The following PLS3 variants were observed in gnomAD, a reference collection of about 807,000 sequenced individuals.
The protein encoded by PLS3 is plastin 3.
In PLS3, 11 loss-of-function variants were observed where a neutral mutation model predicts 46.5. The ratio of observed to expected loss-of-function variants is 0.24; its 90% CI spans 0.15 to 0.39. The LOEUF is 0.39. Ranked by LOEUF, PLS3 falls within the 10% of genes least tolerant of loss-of-function variation. The pLI is 1.00. For missense variants in PLS3, 308 were observed against 461.8 expected (o/e 0.67, Z 3.05); for synonymous variants, 167 against 162.2 (o/e 1.03, Z -0.22).
At chrX:115,617,655 A>G (rs2147505811) in intron 2 of PLS3, among the ~76,000 whole-genome samples, 1 of 112,466 alleles carries the variant, frequency 8.9e-6, no homozygotes, top group African/African-American at 3.2e-5. Context: ...CAGCCTAATA[A>G]GGAAGTTTGT....
intron 1 of PLS3, among the ~76,000 whole-genome samples, chrX:115,606,773 A>G (rs1221163946): frequency 9.0e-6 from 1 of 111,511 alleles, no homozygotes; most frequent in Admixed American, 9.6e-5. Flanking sequence ...TGTTGAACAT[A>G]TTAGTGAAAC....
At chrX:115,567,891 T>C (rs949150024) in intron 1 of PLS3, among the ~76,000 whole-genome samples, 1 of 110,289 alleles carries the variant, frequency 9.1e-6, no homozygotes, top group Non-Finnish European at 1.9e-5. Flanking sequence ...ATAATATAAG[T>C]TTTTACTTTC....
chrX:115,649,310 A>G (rs781831304), intron 15 of PLS3, 119 bp from the exon 16 acceptor site: 199 of 527,157 alleles, frequency 3.8e-4, no homozygotes, highest in Admixed American at 1.3e-3. Context: ...TCTAATTGGA[A>G]CTATCAATAT....
At chrX:115,605,540 C>CT (rs2074482409) in intron 1 of PLS3, among the ~76,000 whole-genome samples, 1 of 111,676 alleles carries the variant, frequency 9.0e-6, no homozygotes, top group Non-Finnish European at 1.9e-5. Flanking sequence ...ACTGCATCCT[C>CT]TACCTCTCGG....
In PLS3 at chrX:115,598,243, TTAC is replaced by T. The variant is rs1441256698; in HGVS notation, c.-8-11999_-8-11997del. 2.8e-5 allele frequency among the ~76,000 whole-genome samples: 3 copies of T among 107,528 alleles called. No homozygotes were observed. The East Asian group carries it at 8.7e-4, about 31-fold the overall frequency. The allele number at this position is 107,528 out of a possible 115,157, so 93.4% of individuals were successfully genotyped here. On this transcript the variant is annotated intron_variant, in intron 1 of 15. Transcript: ENST00000355899. ...TGAGCCCAGGAGTTGGAGGCTTCAG[TTAC>T]CATGACACTGCACTCCAGCCTGGGC...
In PLS3 at chrX:115,584,645, T is replaced by C. The variant is rs782813588; in HGVS notation, c.-9+23385T>C. On this transcript the variant is annotated intron_variant, in intron 1 of 15. Transcript: ENST00000355899. ...CTAGTTTAACTTGTGGATTTCCTCC[T>C]GAGGATGGGCTTAATTTGTATTGGG... 1.5e-4 allele frequency among the ~76,000 whole-genome samples: 17 copies of C among 112,193 alleles called. No individual in the cohort carries two copies. In the South Asian group the frequency reaches 4.1e-3, roughly 27 times the overall value.
intron 2 of PLS3, among the ~76,000 whole-genome samples, chrX:115,610,578 A>G (rs782248907): frequency 6.1e-4 from 66 of 108,918 alleles, no homozygotes; most frequent in African/African-American, 2.0e-3. Flanking sequence ...CACAGTTCCA[A>G]TCCTTAACTG....
At position 115,636,946 on chromosome X, in the gene PLS3, C is replaced by A. The variant is rs782053765; in HGVS notation, c.859C>A (p.Gln287Lys). ...ANFHLENSGW[Q>K]KINNFSADIK... ...CTTTCATTTGGAAAACTCGGGCTGG[C>A]AAAAAATTAACAACTTTAGTGCTGA... Residue 287 changes from glutamine to lysine, a missense_variant, in exon 8 of 16, where the codon CAA (glutamine) becomes AAA (lysine). Coordinates refer to ENST00000355899, the MANE Select transcript of PLS3 (RefSeq NM_005032.7). 1.3e-5 allele frequency: 16 copies of A among 1,206,641 alleles called. No individual in the cohort carries two copies. In the South Asian group the frequency reaches 2.5e-4, roughly 19 times the overall value.
rs956870182 is a variant in PLS3, at chrX:115,646,270, G to T, written c.1377+84G>T. On this transcript the variant is annotated intron_variant, in intron 12 of 15. Coordinates refer to ENST00000355899, the MANE Select transcript of PLS3 (RefSeq NM_005032.7). ...TTTTGTTTCTAAAACTCTTGACGCT[G>T]AGCTTCTTGAGGACAAAACTGTGTC... 2.3e-5 allele frequency: 20 copies of T among 877,523 alleles called. No homozygotes were observed. In the East Asian group the frequency reaches 5.9e-4, roughly 26 times the overall value. 72.3% of individuals were successfully genotyped at this position (877,523 alleles called of 1,213,427 possible). A position where few individuals can be genotyped will look rare whatever the true frequency, so the allele number is the denominator to read the frequency against.
At chrX:115,569,767 G>C (rs782302040) in intron 1 of PLS3, among the ~76,000 whole-genome samples, 1 of 110,907 alleles carries the variant, frequency 9.0e-6, no homozygotes, top group East Asian at 2.8e-4. Flanking sequence ...AGACTTTATT[G>C]GTCTGGGAAT....
chrX:115,584,144 T>G (rs1395925535), intron 1 of PLS3, among the ~76,000 whole-genome samples: 1 of 112,065 alleles, frequency 8.9e-6, no homozygotes, highest in African/African-American at 3.2e-5. Context: ...CTTATTTATT[T>G]GCTTTGCATT....
At chrX:115,563,291 G>A (rs1188395325) in intron 1 of PLS3, among the ~76,000 whole-genome samples, 3 of 111,751 alleles carry the variant, frequency 2.7e-5, no homozygotes, top group East Asian at 5.6e-4. Flanking sequence ...CAATTAACTG[G>A]ATTAGAAATC....
chrX:115,575,217 A>G (rs2074240453), intron 1 of PLS3, among the ~76,000 whole-genome samples: 1 of 111,638 alleles, frequency 9.0e-6, no homozygotes, highest in Admixed American at 9.6e-5. Context: ...ATTTCATTGT[A>G]CACCATATTT....
chrX:115,647,294 G>A (rs1412446524), intron 13 of PLS3, among the ~76,000 whole-genome samples: 3 of 110,820 alleles, frequency 2.7e-5, no homozygotes, highest in Non-Finnish European at 5.7e-5. Context: ...TTAGCCGGGC[G>A]TGGTGGTGGG....
intron 1 of PLS3, among the ~76,000 whole-genome samples, chrX:115,576,759 C>T (rs1197227785): frequency 1.8e-5 from 2 of 111,499 alleles, no homozygotes; most frequent in African/African-American, 3.3e-5. Flanking sequence ...ATAGGCTTCC[C>T]TGAGAAAGGT....
At chrX:115,618,192 A>G (rs1556637077) in intron 2 of PLS3, among the ~76,000 whole-genome samples, 1 of 112,146 alleles carries the variant, frequency 8.9e-6, no homozygotes, top group African/African-American at 3.2e-5. Context: ...GTTCTCCCAC[A>G]TCTAATTTAA....
intron 1 of PLS3, among the ~76,000 whole-genome samples, chrX:115,577,724 C>T (rs1004394089): frequency 1.3e-4 from 14 of 111,120 alleles, no homozygotes; most frequent in Admixed American, 6.8e-4. Context: ...CTGATCCTCC[C>T]GCCTCGGCCT....
In PLS3 at chrX:115,647,663, A is replaced by G. The variant is rs1286504570; in HGVS notation, c.1625A>G (p.Gln542Arg). The G allele has an allele frequency of 3.3e-6, 4 of 1,203,021 alleles. No individual in the cohort carries two copies. The African/African-American group carries it at 7.0e-5, about 21-fold the overall frequency. The change falls in exon 14 of 16, where the codon CAG (glutamine) becomes CGG (arginine). Residue 542 changes from glutamine to arginine, a missense_variant. This residue lies in a region of PLS3 where 271 missense variants were observed against 435.7 expected (regional missense o/e 0.62). Transcript: ENST00000355899. The part of the protein sequence containing the change: ...LSEAGKSTSI[Q>R]SFKDKTISSS... ...GAAGCTGGAAAATCAACTTCCATTC[A>G]GAGTTTTAAGGTCAGAATCCATATT...
At chrX:115,617,310 C>T (rs970754931) in intron 2 of PLS3, among the ~76,000 whole-genome samples, 25 of 111,655 alleles carry the variant, frequency 2.2e-4, no homozygotes, top group Non-Finnish European at 1.9e-5. Context: ...ACTTAGAAAA[C>T]CAAATTACAG....
Sources: gnomAD v4.1 joint callset for allele counts (sites outside exome capture counted in the v4.1 genomes callset) on GRCh38, gnomAD v4.1.1 for gene constraint, gnomAD v4.1.1 regional missense constraint, MANE v1.5 for transcripts, NCBI Gene and HGNC (gene_info 2026-07-23, HGNC 2026-07-21) for gene names.